The following KCNT2 variants were observed in gnomAD, a reference collection of about 807,000 sequenced individuals.
KCNT2 encodes the protein potassium sodium-activated channel subfamily T member 2, also known as potassium channel subfamily T member 2.
KCNT2 carries 67 observed loss-of-function variants against 153.8 expected under a neutral mutation model. The ratio of observed to expected loss-of-function variants is 0.44; its 90% confidence interval spans 0.36 to 0.53. The LOEUF (loss-of-function observed/expected upper bound fraction) is 0.53, where lower values mean the gene tolerates loss of function less well. Ranked by LOEUF, KCNT2 falls within the 20% of genes least tolerant of loss-of-function variation. The pLI is 0.00. For synonymous variants in KCNT2, 500 were observed against 458.8 expected, an observed-to-expected ratio of 1.09 and a Z score of -1.15; for missense variants, 975 against 1,354.8, an observed-to-expected ratio of 0.72 and a Z score of 4.40.
intron 13 of KCNT2, among the ~76,000 whole-genome samples, chr1:196,393,821 G>A (rs750987347): frequency 1.3e-5 from 2 of 151,452 alleles, no homozygotes; most frequent in Non-Finnish European, 3.0e-5. Flanking sequence ...TTGTAGATCC[G>A]ATATTTGACC....
chr1:196,231,168 T>A (rs187034660), intron 27 of KCNT2, among the ~76,000 whole-genome samples: 1 of 150,870 alleles, frequency 6.6e-6, no homozygotes, highest in Non-Finnish European at 1.5e-5. Context: ...CTGCTAGCAT[T>A]TTTTTTTTAG....
intron 1 of KCNT2, among the ~76,000 whole-genome samples, chr1:196,555,696 T>C (rs1373842129): frequency 2.0e-5 from 3 of 151,180 alleles, no homozygotes; most frequent in African/African-American, 7.3e-5. Context: ...GCAAAGGTTA[T>C]CCTAAGCAAA....
At chr1:196,276,600 C>A (rs1314757999) in intron 25 of KCNT2, among the ~76,000 whole-genome samples, 1 of 151,932 alleles carries the variant, frequency 6.6e-6, no homozygotes, top group African/African-American at 2.4e-5. Flanking sequence ...TGGTTTCCTG[C>A]AGATCATTAT....
chr1:196,495,633 A>T (rs895166344), intron 1 of KCNT2, among the ~76,000 whole-genome samples: 1 of 152,080 alleles, frequency 6.6e-6, no homozygotes, highest in Admixed American at 6.6e-5. Context: ...GTACTCTTAC[A>T]CTAAGTTAGT....
chr1:196,452,716 A>G (rs1676327046), intron 8 of KCNT2, among the ~76,000 whole-genome samples: 1 of 4,776 alleles, frequency 2.1e-4, no homozygotes. Flanking sequence ...AATATGTTAT[A>G]TAAATAGATG....
intron 26 of KCNT2, among the ~76,000 whole-genome samples, chr1:196,244,570 A>T (rs879562088): frequency 3.9e-5 from 6 of 152,096 alleles, no homozygotes; most frequent in Admixed American, 3.3e-4. Context: ...GTAGTACCCA[A>T]CATTGGCCTG....
At position 196,398,516 on chromosome 1, in the gene KCNT2, A is replaced by G. The variant is rs74958648; in HGVS notation, c.1294+47T>C. ...AGAGACTTAACCCTTAAGCCACTAT[A>G]GGAGTTTCAGGAAATTCAATGGATC... On this transcript the variant is annotated intron_variant, in intron 13 of 27. Transcript: ENST00000294725. The G allele has an allele frequency of 4.2e-3, 4,107 of 987,724 alleles. 120 individuals carry two copies. The African/African-American group carries it at 0.056, about 13-fold the overall frequency. 61.2% of individuals were successfully genotyped at this position (987,724 alleles called of 1,614,324 possible).
At chr1:196,272,312 C>T (rs1387605984) in intron 25 of KCNT2, among the ~76,000 whole-genome samples, 1 of 151,824 alleles carries the variant, frequency 6.6e-6, no homozygotes, top group Non-Finnish European at 1.5e-5. Context: ...GAAAAATGAT[C>T]ATCAATCTGG....
chr1:196,234,637 T>C (rs561940203), intron 27 of KCNT2, among the ~76,000 whole-genome samples: 3 of 151,490 alleles, frequency 2.0e-5, no homozygotes, highest in Non-Finnish European at 4.4e-5. Flanking sequence ...CCCTTTTCAC[T>C]CCAGTCGAAA....
intron 12 of KCNT2, among the ~76,000 whole-genome samples, chr1:196,406,383 T>C (rs963359210): frequency 9.2e-5 from 14 of 151,418 alleles, no homozygotes; most frequent in Non-Finnish European, 2.1e-4. Flanking sequence ...AAAAGTGCTC[T>C]TAAATAAAAA....
chr1:196,510,898 C>G (rs548491844), intron 1 of KCNT2, among the ~76,000 whole-genome samples: 1 of 152,260 alleles, frequency 6.6e-6, no homozygotes, highest in South Asian at 2.1e-4. Flanking sequence ...CTATTAATTT[C>G]ATAGTAACTC....
chr1:196,507,053 C>A (rs1681203402), intron 1 of KCNT2, among the ~76,000 whole-genome samples: 1 of 151,776 alleles, frequency 6.6e-6, no homozygotes, highest in Admixed American at 6.6e-5. Context: ...AATTTATTTT[C>A]TATAATTTTA....
chr1:196,567,076 C>A (rs1055491493), intron 1 of KCNT2, among the ~76,000 whole-genome samples: 1 of 151,968 alleles, frequency 6.6e-6, no homozygotes, highest in Non-Finnish European at 1.5e-5. Flanking sequence ...CTATATAGTT[C>A]TTAATCAAAA....
chr1:196,450,251 T>C (rs1319517785), intron 8 of KCNT2, among the ~76,000 whole-genome samples: 1 of 151,888 alleles, frequency 6.6e-6, no homozygotes, highest in Non-Finnish European at 1.5e-5. Context: ...GTAAAGGTTT[T>C]TGTTTTGTTT....
intron 13 of KCNT2, among the ~76,000 whole-genome samples, chr1:196,377,029 G>C (rs1429146269): frequency 6.6e-6 from 1 of 151,904 alleles, no homozygotes; most frequent in Non-Finnish European, 1.5e-5. Context: ...TTCTTCATTA[G>C]AGGGAGTGAA....
In KCNT2 at chr1:196,326,875, G is replaced by T. The variant is rs1663912153; in HGVS notation, c.2118C>A (p.Asn706Lys). The T allele has an allele frequency of 5.1e-6, 8 of 1,566,506 alleles. No homozygotes were observed. The highest frequency in any genetic ancestry group is 1.4e-5 in the African/African-American group (1 of 71,580). Residue 706 changes from asparagine (N) to lysine (K), a missense_variant, in exon 19 of 28, where the codon AAC becomes AAA. Around this residue, in one of 6 missense-constraint regions of KCNT2, gnomAD observed 325 missense variants for 388.1 expected, o/e 0.84. Transcript: ENST00000294725. ...CATAGGCTTTTGCATCCTCATAGTA[G>T]TTATGTTGGCAACTCTAGAGAAGAG... is the stretch of plus-strand genomic sequence containing the variant. ...CLRLDKSCQH[N>K]YYEDAKAYGF...
In KCNT2 at chr1:196,594,684, T is replaced by C. The variant is rs555824417; in HGVS notation, c.95+13531A>G. ...TGGAGTAATCAGAGTGATTTCAAAA[T>C]GTCATTAATAACTCTGGCACTGCAT... On this transcript the variant is annotated intron_variant, in intron 1 of 27. Transcript: ENST00000294725. 5.9e-5 allele frequency among the ~76,000 whole-genome samples: 9 copies of C among 152,180 alleles called. No homozygotes were observed. In the South Asian group the frequency reaches 1.9e-3, roughly 32 times the overall value.
intron 14 of KCNT2, among the ~76,000 whole-genome samples, chr1:196,370,065 A>G (rs1175891095): frequency 1.3e-5 from 2 of 152,054 alleles, no homozygotes; most frequent in Non-Finnish European, 2.9e-5. Flanking sequence ...AAAAGTCAGG[A>G]AACAACAGGT....
intron 1 of KCNT2, among the ~76,000 whole-genome samples, chr1:196,534,759 C>A (rs1414199964): frequency 6.6e-6 from 1 of 151,932 alleles, no homozygotes; most frequent in African/African-American, 2.4e-5. Flanking sequence ...TCGTAAAATC[C>A]ACCCAAGAAA....
Sources: allele counts gnomAD v4.1 joint callset (sites outside exome capture counted in the v4.1 genomes callset), GRCh38; gene constraint gnomAD v4.1.1; regional missense constraint gnomAD v4.1.1; transcripts MANE v1.5; gene names NCBI Gene and HGNC (gene_info 2026-07-23, HGNC 2026-07-21).